Variants in PACRG observed in about 807,000 individuals in gnomAD.
PACRG encodes the protein parkin coregulated, also known as parkin coregulated gene protein.
In PACRG, 29 loss-of-function variants were observed where a neutral mutation model predicts 29.7. That is an observed-to-expected ratio of 0.98 (90% CI 0.73 to 1.33). PACRG has a LOEUF of 1.33. Ranked by LOEUF, PACRG falls within the 40% of genes most tolerant of loss-of-function variation. PACRG has a pLI of 0.00. For missense variants in PACRG, 279 were observed against 316.2 expected, an observed-to-expected ratio of 0.88 and a Z score of 0.89; for synonymous variants, 116 against 118.7, an observed-to-expected ratio of 0.98 and a Z score of 0.15.
intron 2 of PACRG, among the ~76,000 whole-genome samples, chr6:162,987,345 C>A (rs1802991156): frequency 1.3e-5 from 2 of 152,266 alleles, no homozygotes; most frequent in South Asian, 4.1e-4. Context: ...TGGGAAATGT[C>A]TGCAAGCTTC....
intron 2 of PACRG, among the ~76,000 whole-genome samples, chr6:162,846,169 T>C (rs749022443): frequency 6.6e-6 from 1 of 152,094 alleles, no homozygotes; most frequent in Non-Finnish European, 1.5e-5. Flanking sequence ...AGAGCCACAG[T>C]GGCCTGTCAG....
At chr6:162,958,896 G>C (rs1288244840) in intron 2 of PACRG, among the ~76,000 whole-genome samples, 2 of 32,452 alleles carry the variant, frequency 6.2e-5, no homozygotes, top group Non-Finnish European at 1.3e-4. Context: ...GAGAGAGAGA[G>C]AGAGAGAGAG....
chr6:163,053,555 C>T (rs1225306366), intron 2 of PACRG, among the ~76,000 whole-genome samples: 1 of 151,922 alleles, frequency 6.6e-6, no homozygotes, highest in Admixed American at 6.6e-5. Flanking sequence ...CCAATTAAAC[C>T]CTAAATGATT....
At chr6:162,847,397 G>C (rs1257665280) in intron 2 of PACRG, among the ~76,000 whole-genome samples, 1 of 151,946 alleles carries the variant, frequency 6.6e-6, no homozygotes, top group East Asian at 1.9e-4. Context: ...TCATCTTTTA[G>C]TGTTTATTGT....
chr6:163,038,316 C>G (rs1808393926), intron 2 of PACRG, among the ~76,000 whole-genome samples: 1 of 152,104 alleles, frequency 6.6e-6, no homozygotes, highest in Non-Finnish European at 1.5e-5. Flanking sequence ...ACACATCTAG[C>G]AAATATTTGG....
At chr6:163,180,367 G>A (rs916617376) in intron 4 of PACRG, among the ~76,000 whole-genome samples, 1 of 152,170 alleles carries the variant, frequency 6.6e-6, no homozygotes, top group Non-Finnish European at 1.5e-5. Context: ...TAACTAGTTC[G>A]AGACACAGCT....
chr6:163,225,828 G>A (rs555017047), intron 4 of PACRG, among the ~76,000 whole-genome samples: 30 of 152,284 alleles, frequency 2.0e-4, no homozygotes, highest in African/African-American at 5.5e-4. Context: ...ATCAGTCGAC[G>A]AATGGATAAA....
At chr6:163,290,924 T>C (rs1308653091) in intron 4 of PACRG, among the ~76,000 whole-genome samples, 1 of 152,170 alleles carries the variant, frequency 6.6e-6, no homozygotes, top group Non-Finnish European at 1.5e-5. Flanking sequence ...TGCCTCTGAC[T>C]GGCCTCTTTG....
At chr6:162,878,086 ATAT>A (rs1429239193) in intron 2 of PACRG, among the ~76,000 whole-genome samples, 2 of 152,234 alleles carry the variant, frequency 1.3e-5, no homozygotes, top group Non-Finnish European at 2.9e-5. Flanking sequence ...AAGCATAATA[ATAT>A]TAGTAGATTA....
intron 3 of PACRG, among the ~76,000 whole-genome samples, chr6:163,065,978 A>G (rs991332261): frequency 6.6e-6 from 1 of 152,224 alleles, no homozygotes; most frequent in Non-Finnish European, 1.5e-5. Flanking sequence ...AGTGTTCCCA[A>G]GAGGAACTAT....
At chr6:162,813,125 G>A (rs931744986) in intron 1 of PACRG, among the ~76,000 whole-genome samples, 3 of 151,438 alleles carry the variant, frequency 2.0e-5, no homozygotes, top group African/African-American at 7.3e-5. Flanking sequence ...TTTATTTATT[G>A]TATGTTATTT....
chr6:162,996,707 AAGTCT>A (rs1444748660), intron 2 of PACRG, among the ~76,000 whole-genome samples: 7 of 152,202 alleles, frequency 4.6e-5, no homozygotes, highest in Non-Finnish European at 1.0e-4. Context: ...TTATATAAAT[AAGTCT>A]AGACTAATCA....
chr6:162,914,613 A>G (rs1461035185), intron 2 of PACRG, among the ~76,000 whole-genome samples: 2 of 149,072 alleles, frequency 1.3e-5, no homozygotes, highest in Non-Finnish European at 3.0e-5. Flanking sequence ...AAAAAAAAAA[A>G]CCTGCTGGAA....
At chr6:162,886,901 T>A (rs1230118171) in intron 2 of PACRG, among the ~76,000 whole-genome samples, 1 of 152,102 alleles carries the variant, frequency 6.6e-6, no homozygotes, top group East Asian at 1.9e-4. Flanking sequence ...CAACTCCAGT[T>A]ATTATTATTA....
intron 4 of PACRG, among the ~76,000 whole-genome samples, chr6:163,199,378 G>C (rs1400102449): frequency 6.6e-6 from 1 of 152,166 alleles, no homozygotes; most frequent in African/African-American, 2.4e-5. Context: ...GGCTCCTCCA[G>C]GGTTTGTGTC....
intron 2 of PACRG, among the ~76,000 whole-genome samples, chr6:162,824,747 C>T (rs1449429916): frequency 2.0e-5 from 3 of 152,166 alleles, no homozygotes; most frequent in Admixed American, 2.0e-4. Flanking sequence ...GTGCTGAGCT[C>T]TGTAACCTGC....
rs1314935939 is a variant in PACRG at position 162,958,929 on chromosome 6, A to T, written c.292-103221A>T. On this transcript the variant is annotated intron_variant, in intron 2 of 4. Transcript: ENST00000366888. ...GAGAGAGAGAGAGAGAGAGAGAGAG[A>T]GAGAGAGAGATGAAATCTCACTCCA... 4.9e-5 allele frequency among the ~76,000 whole-genome samples: 6 copies of T among 121,520 alleles called. 1 individual carries two copies. In the South Asian group the frequency reaches 1.7e-3, roughly 34 times the overall value. 79.7% of individuals were successfully genotyped at this position (121,520 alleles called of 152,430 possible).
At chr6:162,729,384 A>T (rs1376717511) in intron 1 of PACRG, among the ~76,000 whole-genome samples, 1 of 152,226 alleles carries the variant, frequency 6.6e-6, no homozygotes, top group East Asian at 1.9e-4. Context: ...CAAACCTGAT[A>T]ACTTATTCCT....
At chr6:163,233,653 G>T (rs759190330) in intron 4 of PACRG, among the ~76,000 whole-genome samples, 6 of 152,164 alleles carry the variant, frequency 3.9e-5, no homozygotes, top group Non-Finnish European at 7.3e-5. Flanking sequence ...CATGAGAAAT[G>T]GCAGTGACTT....
Sources: allele counts gnomAD v4.1 joint callset (sites outside exome capture counted in the v4.1 genomes callset), GRCh38; gene constraint gnomAD v4.1.1; transcripts MANE v1.5; gene names NCBI Gene and HGNC (gene_info 2026-07-23, HGNC 2026-07-21).